The following PSIP1 variants were observed in gnomAD, a reference collection of about 807,000 sequenced individuals.
PSIP1 encodes PC4 and SFRS1-interacting protein.
A neutral mutation model predicts 74.7 loss-of-function variants in PSIP1; 19 were observed. The observed-to-expected ratio is 0.25, with a 90% CI of 0.18 to 0.37. The LOEUF (loss-of-function observed/expected upper bound fraction) is 0.37. PSIP1 is among the 10% of genes least tolerant of loss of function. The probability of loss-of-function intolerance (pLI) is 1.00; values close to 1 mark genes in which losing one functional copy is unlikely to be tolerated. For synonymous variants in PSIP1, 222 were observed against 195.3 expected, an observed-to-expected ratio of 1.14 and a Z score of -1.14; for missense variants, 601 against 614.3, an observed-to-expected ratio of 0.98 and a Z score of 0.23.
chr9:15,470,688 T>C, intron 10 of PSIP1: 3 of 936,754 alleles, frequency 3.2e-6, no homozygotes, highest in Non-Finnish European at 3.8e-6. Flanking sequence ...GTTTCATTCT[T>C]AACAAGTCTA....
At chr9:15,500,470 C>G (rs1385373481) in intron 3 of PSIP1, among the ~76,000 whole-genome samples, 1 of 148,126 alleles carries the variant, frequency 6.8e-6, no homozygotes, top group Non-Finnish European at 1.5e-5. Flanking sequence ...GACTCTGTCT[C>G]CAAAAAAAAA....
At chr9:15,469,810 G>A (rs749993578) in intron 11 of PSIP1, 128 bp downstream of exon 11, 8 of 743,470 alleles carry the variant, frequency 1.1e-5, no homozygotes, top group Admixed American at 2.8e-5. Context: ...GCCCATTAGG[G>A]ATTTGAAAAA....
In PSIP1 at chr9:15,464,807, GCAAAGAAGTCCTAAGA is replaced by G. The variant is rs1241963088; in HGVS notation, c.*697_*712del. The G allele has an allele frequency of 1.9e-5, 4 of 207,242 alleles. No individual in the cohort carries two copies. Among genetic ancestry groups the G allele is most frequent in the Non-Finnish European group, 3.0e-5 (3 of 101,690 alleles). 12.8% of individuals were successfully genotyped at this position (207,242 alleles called of 1,614,324 possible). A position where few individuals can be genotyped will look rare whatever the true frequency, so the allele number is the denominator to read the frequency against. On this transcript the variant is annotated 3_prime_UTR_variant, in exon 16 of 16. Coordinates refer to ENST00000380733, the MANE Select transcript of PSIP1 (RefSeq NM_033222.5). ...CCTATATATACCCAGTCAGTTGTCT[GCAAAGAAGTCCTAAGA>G]CTTCACTGAATGCCCAGCCACAAAA...
At chr9:15,476,992 A>G (rs937611750) in intron 8 of PSIP1, among the ~76,000 whole-genome samples, 1 of 152,146 alleles carries the variant, frequency 6.6e-6, no homozygotes, top group Admixed American at 6.5e-5. Flanking sequence ...GAATCAGCCA[A>G]AAGCCAAGAA....
chr9:15,510,272 GC>G lies in PSIP1; in HGVS notation c.-85del. On this transcript the variant is annotated 5_prime_UTR_variant, in exon 2 of 16. Transcript: ENST00000380733. ...GCGGGGATGCGGGCGGCGGACGCGG[GC>G]CCAGCTACCGGGCCCGCGGGCGGGG... The G allele has an allele frequency of 1.5e-6, 2 of 1,298,538 alleles. No homozygotes were observed. Among genetic ancestry groups the G allele is most frequent in the Non-Finnish European group, 2.1e-6 (2 of 942,558 alleles). The allele number at this position is 1,298,538 out of a possible 1,614,324, so 80.4% of individuals were successfully genotyped here.
Position 15,464,630 on chromosome 9 carries a change from A to G in PSIP1, c.*890T>C, listed in dbSNP as rs951347663. The G allele has an allele frequency of 5.0e-6, 1 of 198,202 alleles. No individual in the cohort carries two copies. The highest frequency in any genetic ancestry group is 7.9e-5 in the East Asian group (1 of 12,586). The allele number at this position is 198,202 out of a possible 1,614,324, so 12.3% of individuals were successfully genotyped here. A position where few individuals can be genotyped will look rare whatever the true frequency, so the allele number is the denominator to read the frequency against. On this transcript the variant is annotated 3_prime_UTR_variant, in exon 16 of 16. Transcript: ENST00000380733. Reference sequence around the variant, plus strand: ...TATTCATATTTATTGTATAAGCATCATGATTTTTTCTTCCAATTAAGTTTT... The same window carrying G: ...TATTCATATTTATTGTATAAGCATCGTGATTTTTTCTTCCAATTAAGTTTT...
At chr9:15,508,955 T>C (rs1416546332) in intron 2 of PSIP1, among the ~76,000 whole-genome samples, 5 of 152,182 alleles carry the variant, frequency 3.3e-5, no homozygotes, top group South Asian at 2.1e-4. Context: ...AGGCAGACTT[T>C]ATAGGCAAGG....
At chr9:15,471,272 T>G in intron 10 of PSIP1, 1 of 1,581,580 alleles carries the variant, frequency 6.3e-7, no homozygotes. Context: ...GCATAATGCA[T>G]TTCACACAAG....
rs377343668 is a variant in PSIP1, at chr9:15,510,202, G to A, written c.-14C>T. 13 of 1,600,964 alleles carry A rather than the reference G, an allele frequency of 8.1e-6. No individual in the cohort carries two copies. Among genetic ancestry groups the A allele is most frequent in the African/African-American group, 2.7e-5 (2 of 73,070 alleles). ...ATCGCGAGTCATGTTTCGGGGGCGAGACCGGGGGTCCGAAGCCCGGGAGGC... is the reference window on the plus strand; with the variant it reads ...ATCGCGAGTCATGTTTCGGGGGCGAAACCGGGGGTCCGAAGCCCGGGAGGC... On this transcript the variant is annotated 5_prime_UTR_variant, in exon 2 of 16. Transcript: ENST00000380733.
rs1248113526 is a variant in PSIP1, at chr9:15,464,896, G to A, written c.*624C>T. ...TGTTTTATAGTTTGTAGAATTCTCA[G>A]TTCCATGTCAGTTGCTTAATTAGTT... On this transcript the variant is annotated 3_prime_UTR_variant, in exon 16 of 16. Transcript: ENST00000380733. 4.7e-6 allele frequency: 1 copy of A among 214,306 alleles called. No individual in the cohort carries two copies. The allele number at this position is 214,306 out of a possible 1,614,324, so 13.3% of individuals were successfully genotyped here.
intron 5 of PSIP1, among the ~76,000 whole-genome samples, chr9:15,486,614 C>G (rs1055039824): frequency 6.6e-6 from 1 of 152,164 alleles, no homozygotes; most frequent in Non-Finnish European, 1.5e-5. Context: ...ATAAAAATAA[C>G]TTCAAATAAT....
At chr9:15,510,369 GAAGGGA>G in intron 1 of PSIP1, 40 bp from the exon 2 acceptor site, 3 of 165,206 alleles carry the variant, frequency 1.8e-5, no homozygotes, top group Non-Finnish European at 2.5e-5. Context: ...GAAGAACCCC[GAAGGGA>G]GGGGCCGCAA....
chr9:15,477,964 T>C (rs1429912674), intron 8 of PSIP1, among the ~76,000 whole-genome samples: 1 of 150,498 alleles, frequency 6.6e-6, no homozygotes, highest in Non-Finnish European at 1.5e-5. Context: ...ATGAGACCAG[T>C]CTCATCAAAA....
At chr9:15,489,944 G>C (rs1297378412) in intron 4 of PSIP1, 42 bp downstream of exon 4, 2 of 1,425,414 alleles carry the variant, frequency 1.4e-6, no homozygotes, top group Non-Finnish European at 1.9e-6. Flanking sequence ...TTATTCCCCA[G>C]GATTAAATAA....
chr9:15,470,009 A>G lies in PSIP1; in HGVS notation c.978-16T>C. The G allele has an allele frequency of 6.3e-7, 1 of 1,592,464 alleles. No individual in the cohort carries two copies. ...TTTATTCTGCCTATCAAATGTTAAC[A>G]AAAATATTTCAACACATTGGAATTT... On this transcript the variant is annotated splice_polypyrimidine_tract_variant and intron_variant, in intron 10 of 15. Coordinates refer to ENST00000380733, the MANE Select transcript of PSIP1 (RefSeq NM_033222.5).
At chr9:15,465,675 G>GA in intron 15 of PSIP1, 95 bp from the exon 16 acceptor site, 2 of 1,000,230 alleles carry the variant, frequency 2.0e-6, no homozygotes, top group African/African-American at 3.3e-5. Flanking sequence ...TTAAACCCAT[G>GA]AAAAGACTGA....
intron 15 of PSIP1, among the ~76,000 whole-genome samples, chr9:15,466,316 T>C (rs1262951522): frequency 6.6e-6 from 1 of 152,102 alleles, no homozygotes; most frequent in Admixed American, 6.5e-5. Context: ...GAAGTGGAGG[T>C]TGCAGTGAGC....
At chr9:15,483,427 G>C (rs16933318) in intron 6 of PSIP1, among the ~76,000 whole-genome samples, 2,556 of 142,988 alleles carry the variant, frequency 0.018, 78 homozygotes, top group South Asian at 0.12. Context: ...CCCATCTCTC[G>C]TCTACACCAC....
intron 8 of PSIP1, among the ~76,000 whole-genome samples, chr9:15,476,973 G>C (rs574531395): frequency 6.6e-6 from 1 of 152,258 alleles, no homozygotes; most frequent in East Asian, 1.9e-4. Context: ...AAGTAGAGAA[G>C]TTCCAGAGGA....
Sources: allele counts gnomAD v4.1 joint callset (sites outside exome capture counted in the v4.1 genomes callset), GRCh38; gene constraint gnomAD v4.1.1; transcripts MANE v1.5; gene names NCBI Gene and HGNC (gene_info 2026-07-23, HGNC 2026-07-21).